Variants in WDR48 observed in about 807,000 individuals in gnomAD.
WDR48 encodes the protein WD repeat domain 48, also known as WD repeat-containing protein 48.
Under a neutral mutation model 94.0 loss-of-function variants are expected in WDR48, and 22 were observed. The observed-to-expected ratio is 0.23, with a 90% CI of 0.17 to 0.33. The LOEUF is 0.33. Among genes scored for constraint, WDR48 ranks in the 10% least tolerant of loss-of-function variants. The probability of loss-of-function intolerance (pLI) is 1.00; values close to 1 mark genes in which losing one functional copy is unlikely to be tolerated. For missense variants in WDR48, 541 were observed against 813.8 expected (o/e 0.66, Z 4.08); for synonymous variants, 278 against 280.5 (o/e 0.99, Z 0.09).
At chr3:39,093,828 T>C in intron 17 of WDR48, 46 bp from the exon 18 acceptor site, 1 of 1,448,874 alleles carries the variant, frequency 6.9e-7, no homozygotes, top group Admixed American at 2.5e-5. Context: ...ATAAATAATA[T>C]CTAGTGATTT....
rs1028779480 is a variant in WDR48 at position 39,095,699 on chromosome 3, A to G, written c.*956A>G. ...TGATATTCATATCCTGGAAGTATAC[A>G]TATTTGTTTTTCCAAAGTTTTATAT... On this transcript the variant is annotated 3_prime_UTR_variant, in exon 19 of 19. Transcript: ENST00000302313. The G allele has an allele frequency of 3.9e-5, 6 of 152,434 alleles. No homozygotes were observed. The highest frequency in any genetic ancestry group is 2.4e-5 in the African/African-American group (1 of 41,456). The allele number at this position is 152,434 out of a possible 1,614,324, so 9.4% of individuals were successfully genotyped here. A position where few individuals can be genotyped will look rare whatever the true frequency, so the allele number is the denominator to read the frequency against.
intron 9 of WDR48, 36 bp downstream of exon 9, chr3:39,077,249 CAT>C (rs758002409): frequency 9.3e-6 from 15 of 1,610,558 alleles, no homozygotes; most frequent in Non-Finnish European, 1.3e-5. Flanking sequence ...GGTTTATAAA[CAT>C]GTATTTTGTT....
rs1377350468 is a variant in WDR48 at position 39,094,018 on chromosome 3, T to C, written c.1890T>C (p.Asp630=). The C allele has an allele frequency of 6.2e-7, 1 of 1,613,962 alleles. No homozygotes were observed. The highest frequency in any genetic ancestry group is 2.2e-5 in the East Asian group (1 of 44,856). The part of the protein sequence containing the change: ...EKPGEQEKEE[D]IAVLAEEKIE... The stretch of plus-strand genomic sequence containing the variant: ...CAGGAGAACAGGAAAAAGAAGAAGA[T>C]ATTGCTGTGTTGGCAGAGGAGAAAA... Residue 630 remains aspartate, a synonymous_variant, in exon 18 of 19, where the codon GAT becomes GAC. Transcript: ENST00000302313.
At chr3:39,078,962 G>A (rs1387013600) in intron 10 of WDR48, among the ~76,000 whole-genome samples, 1 of 150,532 alleles carries the variant, frequency 6.6e-6, no homozygotes, top group Non-Finnish European at 1.5e-5. Flanking sequence ...CCCGGGAGGC[G>A]GAGCTTGCAG....
At chr3:39,063,724 C>CTTGAGTCCAGGAGTTCG (rs2033420051) in intron 2 of WDR48, among the ~76,000 whole-genome samples, 1 of 151,974 alleles carries the variant, frequency 6.6e-6, no homozygotes, top group African/African-American at 2.4e-5. Flanking sequence ...GAAAGGATTC[C>CTTGAGTCCAGGAGTTCG]TTGAGTCCAG....
intron 11 of WDR48, among the ~76,000 whole-genome samples, chr3:39,083,647 A>G (rs2034645640): frequency 6.6e-6 from 1 of 152,186 alleles, no homozygotes; most frequent in South Asian, 2.1e-4. Flanking sequence ...ACTGCAAGAC[A>G]GTGACCCCAG....
chr3:39,082,693 G>A (rs2034600874), intron 11 of WDR48, among the ~76,000 whole-genome samples: 1 of 152,182 alleles, frequency 6.6e-6, no homozygotes, highest in Admixed American at 6.5e-5. Context: ...AATGTAAGAT[G>A]AAAAACAGGT....
chr3:39,062,317 C>G (rs1272122880), intron 1 of WDR48, among the ~76,000 whole-genome samples: 2 of 152,142 alleles, frequency 1.3e-5, no homozygotes, highest in Admixed American at 1.3e-4. Context: ...TTACTTCTGG[C>G]TGCCAGCCAG....
Position 39,084,278 on chromosome 3 carries a change from A to C in WDR48, c.1281+16A>C. The C allele has an allele frequency of 6.5e-7, 1 of 1,527,962 alleles. No homozygotes were observed. Among genetic ancestry groups the C allele is most frequent in the Non-Finnish European group, 9.0e-7 (1 of 1,106,996 alleles). The allele number at this position is 1,527,962 out of a possible 1,614,324, so 94.7% of individuals were successfully genotyped here. A position where few individuals can be genotyped will look rare whatever the true frequency, so the allele number is the denominator to read the frequency against. Reference sequence around the variant, plus strand: ...AAAAACAGGGGTAAGTTAGCAATTGATACTTGTATGATTTGGGATAATTGA... The same window carrying C: ...AAAAACAGGGGTAAGTTAGCAATTGCTACTTGTATGATTTGGGATAATTGA... On this transcript the variant is annotated intron_variant, in intron 12 of 18. Coordinates refer to ENST00000302313, the MANE Select transcript of WDR48 (RefSeq NM_020839.4).
intron 12 of WDR48, 117 bp from the exon 13 acceptor site, chr3:39,084,528 T>A: frequency 2.4e-6 from 2 of 839,108 alleles, no homozygotes; most frequent in Non-Finnish European, 3.6e-6. Flanking sequence ...AAACACATTT[T>A]GGTTCCTGAA....
At chr3:39,082,157 TAGG>T (rs2034569710) in intron 11 of WDR48, among the ~76,000 whole-genome samples, 3 of 152,262 alleles carry the variant, frequency 2.0e-5, no homozygotes, top group South Asian at 2.1e-4. Context: ...TGGTACATAA[TAGG>T]AGGCTGTTGC....
intron 1 of WDR48, among the ~76,000 whole-genome samples, chr3:39,056,211 A>G (rs575541402): frequency 2.8e-3 from 424 of 152,302 alleles, no homozygotes; most frequent in Non-Finnish European, 5.0e-3. Flanking sequence ...TTTTTCCATC[A>G]TACTATAATT....
At chr3:39,080,910 T>G (rs1193705224) in intron 11 of WDR48, among the ~76,000 whole-genome samples, 1 of 152,164 alleles carries the variant, frequency 6.6e-6, no homozygotes, top group Non-Finnish European at 1.5e-5. Context: ...TATAAGGAAG[T>G]AACAGGGGTG....
At position 39,064,936 on chromosome 3, in the gene WDR48, C is replaced by T. The variant is rs539200529; in HGVS notation, c.190-875C>T. ...TCCTTTCTGAGCATTCACAGTATTT[C>T]AAACAAATTAAGAAAAACACCCAAA... On this transcript the variant is annotated intron_variant, in intron 2 of 18. Transcript: ENST00000302313. Among the ~76,000 whole-genome samples the T allele has an allele frequency of 3.9e-5, 6 of 152,286 alleles. No individual in the cohort carries two copies. The South Asian group carries it at 1.2e-3, about 32-fold the overall frequency.
chr3:39,080,789 A>C (rs2125671382), intron 11 of WDR48, among the ~76,000 whole-genome samples: 1 of 152,360 alleles, frequency 6.6e-6, no homozygotes, highest in Admixed American at 6.5e-5. Flanking sequence ...TGGGAGTAGA[A>C]GGAAGAGCAT....
At position 39,062,506 on chromosome 3, in the gene WDR48, A is replaced by G. The variant is rs531305853; in HGVS notation, c.49-544A>G. Among the ~76,000 whole-genome samples, 311 of 152,266 alleles carry G rather than the reference A, an allele frequency of 2.0e-3. 1 individual carries two copies. The highest frequency in any genetic ancestry group is 7.1e-3 in the African/African-American group (294 of 41,554). On this transcript the variant is annotated intron_variant, in intron 1 of 18. Transcript: ENST00000302313. ...CAAGTCAGGGAAGGCCTTCTAAAGG[A>G]AGTATTGTTTAAATGGAAACCTGAA...
chr3:39,081,993 T>C (rs1030878721), intron 11 of WDR48, among the ~76,000 whole-genome samples: 1 of 152,218 alleles, frequency 6.6e-6, no homozygotes, highest in Non-Finnish European at 1.5e-5. Context: ...GAACATTGGC[T>C]TGGGAGTTGG....
In WDR48 at chr3:39,083,810, A is replaced by G. The variant is rs77396885; in HGVS notation, c.1174-345A>G. ...GAGTAATGGTCTCCATGGAGCATCA[A>G]GGAACAATGGGATGTGGGAAAATAA... On this transcript the variant is annotated intron_variant, in intron 11 of 18. Coordinates refer to ENST00000302313, the MANE Select transcript of WDR48 (RefSeq NM_020839.4). 4.1e-3 allele frequency among the ~76,000 whole-genome samples: 626 copies of G among 152,350 alleles called. 9 individuals carry two copies. The highest frequency in any genetic ancestry group is 0.014 in the African/African-American group (594 of 41,566).
chr3:39,056,730 A>G (rs569710625), intron 1 of WDR48, among the ~76,000 whole-genome samples: 2 of 152,352 alleles, frequency 1.3e-5, no homozygotes, highest in Admixed American at 1.3e-4. Flanking sequence ...TCAGGCATGC[A>G]AGGACTAAGT....
Sources: gnomAD v4.1 joint callset for allele counts (sites outside exome capture counted in the v4.1 genomes callset) on GRCh38, gnomAD v4.1.1 for gene constraint, MANE v1.5 for transcripts, NCBI Gene and HGNC (gene_info 2026-07-23, HGNC 2026-07-21) for gene names.